CAST: variants seen among roughly 807,000 people sequenced by gnomAD.
The protein encoded by CAST is calpastatin.
A neutral mutation model predicts 119.6 loss-of-function variants in CAST; 76 were observed. The observed-to-expected ratio is 0.64, with a 90% CI of 0.53 to 0.77. The LOEUF is 0.77. CAST is among the 30% of genes least tolerant of loss of function. The pLI, the probability that CAST is intolerant of heterozygous loss-of-function variation, is 0.00. For missense variants in CAST, 953 were observed against 946.5 expected (o/e 1.01, Z -0.09); for synonymous variants, 319 against 331.6 (o/e 0.96, Z 0.41).
the CAST span, among the ~76,000 whole-genome samples, chr5:96,331,674 T>G: frequency 6.6e-6 from 1 of 152,218 alleles, no homozygotes; most frequent in Non-Finnish European, 1.5e-5. Flanking sequence ...ACTAGCTGAA[T>G]CAAAGGTCAG....
chr5:96,016,804 G>T, the CAST span, among the ~76,000 whole-genome samples: 1 of 149,510 alleles, frequency 6.7e-6, no homozygotes, highest in South Asian at 2.1e-4. Context: ...CTCTCAGAGT[G>T]CTGGATGGTG....
intron 2 of CAST, among the ~76,000 whole-genome samples, chr5:96,691,792 A>G (rs1289927553): frequency 2.0e-5 from 3 of 152,252 alleles, no homozygotes; most frequent in Admixed American, 1.3e-4. Flanking sequence ...TATATAAATC[A>G]TAAGATAGAA....
chr5:96,249,704 C>G, the CAST span, among the ~76,000 whole-genome samples: 1 of 152,128 alleles, frequency 6.6e-6, no homozygotes, highest in Non-Finnish European at 1.5e-5. Flanking sequence ...GCAATAAAAT[C>G]CACTTCACAG....
the CAST span, among the ~76,000 whole-genome samples, chr5:96,034,439 A>G: frequency 9.1e-5 from 12 of 131,204 alleles, no homozygotes; most frequent in African/African-American, 2.8e-4. Context: ...AGATCCAGCA[A>G]TCCCACTACT....
At chr5:96,210,881 A>G in the CAST span, among the ~76,000 whole-genome samples, 6 of 151,914 alleles carry the variant, frequency 3.9e-5, no homozygotes, top group Non-Finnish European at 8.8e-5. Context: ...CAGCACATAA[A>G]TACTGTTTAT....
the CAST span, among the ~76,000 whole-genome samples, chr5:96,055,871 C>T: frequency 2.0e-5 from 3 of 152,076 alleles, no homozygotes; most frequent in South Asian, 4.1e-4. Context: ...ATAGGTGAAG[C>T]TTTGTTGATG....
chr5:96,336,209 C>A, the CAST span, among the ~76,000 whole-genome samples: 1 of 152,182 alleles, frequency 6.6e-6, no homozygotes, highest in East Asian at 1.9e-4. Flanking sequence ...TTGACTCCAA[C>A]TCTCAACCGG....
the CAST span, among the ~76,000 whole-genome samples, chr5:96,129,797 T>G: frequency 6.6e-6 from 1 of 152,018 alleles, no homozygotes; most frequent in African/African-American, 2.4e-5. Context: ...GGAACAAAAC[T>G]TTGACAAGTA....
chr5:96,627,939 G>A (rs1747755519), intron 1 of CAST, among the ~76,000 whole-genome samples: 1 of 152,206 alleles, frequency 6.6e-6, no homozygotes, highest in Admixed American at 6.5e-5. Context: ...CCTACAAAGT[G>A]AAGGCAGAAT....
intron 1 of CAST, among the ~76,000 whole-genome samples, chr5:96,643,942 A>G (rs187758): frequency 0.36 from 54,472 of 151,880 alleles, 9,857 homozygotes; most frequent in African/African-American, 0.39. Context: ...CCATCTACTC[A>G]GGAGACTGAG....
At chr5:96,030,291 C>A in the CAST span, among the ~76,000 whole-genome samples, 1 of 152,110 alleles carries the variant, frequency 6.6e-6, no homozygotes, top group African/African-American at 2.4e-5. Flanking sequence ...GATGATAGAA[C>A]ATATTTTAGA....
At chr5:96,242,343 C>T in the CAST span, among the ~76,000 whole-genome samples, 1 of 152,060 alleles carries the variant, frequency 6.6e-6, no homozygotes, top group African/African-American at 2.4e-5. Context: ...GTTGCTTAGC[C>T]TAGTCTCAAA....
the CAST span, among the ~76,000 whole-genome samples, chr5:95,972,374 T>C: frequency 2.0e-5 from 3 of 152,158 alleles, no homozygotes; most frequent in Admixed American, 2.0e-4. Context: ...AGTTTTTCTG[T>C]GTACTTGTCA....
chr5:96,632,354 A>G (rs1747832525), intron 1 of CAST, among the ~76,000 whole-genome samples: 1 of 150,832 alleles, frequency 6.6e-6, no homozygotes, highest in South Asian at 2.1e-4. Flanking sequence ...TTTAATTTTG[A>G]TGAAGCCCAA....
At chr5:96,659,281 C>G (rs145265618), upstream of CAST, among the ~76,000 whole-genome samples, 1 of 152,242 alleles carries the variant, frequency 6.6e-6, no homozygotes, top group Non-Finnish European at 1.5e-5. Flanking sequence ...CAGACATGCT[C>G]GAGGCACGGT....
chr5:96,377,249 A>C, the CAST span, among the ~76,000 whole-genome samples: 1 of 152,060 alleles, frequency 6.6e-6, no homozygotes, highest in Non-Finnish European at 1.5e-5. Context: ...ATTATAGAAC[A>C]AATAAAAATA....
chr5:96,344,560 T>C, the CAST span, among the ~76,000 whole-genome samples: 1 of 152,164 alleles, frequency 6.6e-6, no homozygotes, highest in East Asian at 1.9e-4. Flanking sequence ...GCTGAGTAAA[T>C]ATTCTCACAA....
the CAST span, among the ~76,000 whole-genome samples, chr5:96,277,752 T>G: frequency 7.0e-6 from 1 of 143,138 alleles, no homozygotes; most frequent in African/African-American, 2.7e-5. Flanking sequence ...TTAAGTAAGG[T>G]TTTTTTTTTT....
the CAST span, among the ~76,000 whole-genome samples, chr5:96,288,960 C>T: frequency 3.3e-5 from 5 of 152,094 alleles, no homozygotes; most frequent in Non-Finnish European, 7.4e-5. Flanking sequence ...TTTTCCCTTA[C>T]ATCCTGCCTG....
Sources: gnomAD v4.1 joint callset for allele counts (sites outside exome capture counted in the v4.1 genomes callset) on GRCh38, gnomAD v4.1.1 for gene constraint, MANE v1.5 for transcripts, NCBI Gene and HGNC (gene_info 2026-07-23, HGNC 2026-07-21) for gene names.